SMIM45: variants seen among roughly 807,000 people sequenced by gnomAD.
SMIM45 encodes small integral membrane protein 45.
chr22:41,946,988 CCGG>C, the SMIM45 span: 1 of 1,610,536 alleles, frequency 6.2e-7, no homozygotes, highest in South Asian at 1.1e-5. Context: ...GGAGGAAAAA[CCGG>C]CGGGGGAAGC....
chr22:41,958,203 CACTGGACTCA>C, the SMIM45 span: 1 of 426,446 alleles, frequency 2.3e-6, no homozygotes, highest in East Asian at 7.1e-5. Flanking sequence ...CTCTGCCCTC[CACTGGACTCA>C]GGCATGTCTA....
At chr22:41,953,337 G>T in the SMIM45 span, among the ~76,000 whole-genome samples, 1 of 152,166 alleles carries the variant, frequency 6.6e-6, no homozygotes, top group Admixed American at 6.5e-5. Flanking sequence ...CCTACCTGGA[G>T]TTCTTTCCAT....
chr22:41,950,724 A>G, the SMIM45 span, among the ~76,000 whole-genome samples: 8,177 of 145,298 alleles, frequency 0.056, 276 homozygotes, highest in Middle Eastern at 0.11. Flanking sequence ...GGCCAGGCGC[A>G]GTGGCTCACG....
chr22:41,956,578 C>T, the SMIM45 span, among the ~76,000 whole-genome samples: 1 of 152,214 alleles, frequency 6.6e-6, no homozygotes, highest in African/African-American at 2.4e-5. Flanking sequence ...GGCTGGGCCC[C>T]GGGGCTCAGG....
the SMIM45 span, among the ~76,000 whole-genome samples, chr22:41,953,990 C>CAAA: frequency 5.5e-5 from 7 of 126,564 alleles, no homozygotes; most frequent in African/African-American, 1.6e-4. Context: ...GATCAAGTCT[C>CAAA]AAAAAAAAAA....
chr22:41,955,099 C>A, the SMIM45 span, among the ~76,000 whole-genome samples: 2 of 152,298 alleles, frequency 1.3e-5, no homozygotes, highest in East Asian at 3.9e-4. Context: ...CTCCGCCTCT[C>A]GCTCAGTGGA....
the SMIM45 span, among the ~76,000 whole-genome samples, chr22:41,947,926 G>A: frequency 6.6e-6 from 1 of 152,260 alleles, no homozygotes; most frequent in South Asian, 2.1e-4. Context: ...CACACCAGCA[G>A]GCCCTGCCAA....
the SMIM45 span, among the ~76,000 whole-genome samples, chr22:41,951,816 T>C: frequency 6.6e-6 from 1 of 152,216 alleles, no homozygotes; most frequent in African/African-American, 2.4e-5. Flanking sequence ...TGGTCACTGA[T>C]TCTCTGTCCC....
At chr22:41,956,391 C>A in the SMIM45 span, among the ~76,000 whole-genome samples, 33 of 152,198 alleles carry the variant, frequency 2.2e-4, no homozygotes, top group African/African-American at 8.0e-4. Context: ...CTTGTCCTTA[C>A]AACTATGAAA....
At chr22:41,955,589 G>A in the SMIM45 span, among the ~76,000 whole-genome samples, 3 of 152,012 alleles carry the variant, frequency 2.0e-5, no homozygotes, top group South Asian at 2.1e-4. Flanking sequence ...GGCGGATCAC[G>A]AGGTCAGGAG....
At chr22:41,958,012 C>T in the SMIM45 span, 1 of 186,320 alleles carries the variant, frequency 5.4e-6, no homozygotes, top group Admixed American at 5.9e-5. Flanking sequence ...TCCACGCTAT[C>T]CCTCTGCAGC....
chr22:41,958,507 A>AGAGAGAGAGAGAGAGAGT, the SMIM45 span: 1 of 392,520 alleles, frequency 2.5e-6, no homozygotes, highest in African/African-American at 2.2e-5. Flanking sequence ...AGAGAGAGAG[A>AGAGAGAGAGAGAGAGAGT]GTCTGGGGGG....
At chr22:41,951,651 T>A in the SMIM45 span, among the ~76,000 whole-genome samples, 1 of 152,188 alleles carries the variant, frequency 6.6e-6, no homozygotes, top group African/African-American at 2.4e-5. Flanking sequence ...TTTCTTGCTG[T>A]GTGACCATGA....
chr22:41,952,802 C>G, the SMIM45 span, among the ~76,000 whole-genome samples: 2 of 152,202 alleles, frequency 1.3e-5, no homozygotes, highest in Non-Finnish European at 2.9e-5. Flanking sequence ...AGCATTGCAG[C>G]TGAAATGGCT....
the SMIM45 span, among the ~76,000 whole-genome samples, chr22:41,949,282 C>A: frequency 6.6e-6 from 1 of 151,892 alleles, no homozygotes; most frequent in Non-Finnish European, 1.5e-5. Flanking sequence ...AGCTGTCTGG[C>A]AGAAGAGATG....
At chr22:41,952,034 G>A in the SMIM45 span, 1 of 152,516 alleles carries the variant, frequency 6.6e-6, no homozygotes, top group African/African-American at 2.4e-5. Flanking sequence ...GGATCCAGAA[G>A]AGAAGGCTGG....
chr22:41,955,050 G>GACAC, the SMIM45 span, among the ~76,000 whole-genome samples: 1 of 151,882 alleles, frequency 6.6e-6, no homozygotes, highest in South Asian at 2.1e-4. Flanking sequence ...TAAGGTTTGT[G>GACAC]ACGCACCTTA....
the SMIM45 span, among the ~76,000 whole-genome samples, chr22:41,949,026 G>A: frequency 2.0e-5 from 3 of 152,042 alleles, no homozygotes; most frequent in South Asian, 2.1e-4. Flanking sequence ...GATTATGCCA[G>A]TGTACTCTGG....
the SMIM45 span, among the ~76,000 whole-genome samples, chr22:41,953,754 T>C: frequency 2.4e-5 from 2 of 83,510 alleles, no homozygotes; most frequent in Admixed American, 2.7e-4. Context: ...TTTTTTTTTT[T>C]TTTTTTTTTT....
Sources: allele counts gnomAD v4.1 joint callset (sites outside exome capture counted in the v4.1 genomes callset), GRCh38; gene constraint gnomAD v4.1.1; transcripts MANE v1.5; gene names NCBI Gene and HGNC (gene_info 2026-07-23, HGNC 2026-07-21).